Variants in PCDHGA8 observed in about 807,000 individuals in gnomAD.
PCDHGA8 encodes the protein protocadherin gamma-A8.
A neutral mutation model predicts 59.2 loss-of-function variants in PCDHGA8; 45 were observed. The observed-to-expected ratio is 0.76, with a 90% CI of 0.60 to 0.98. The LOEUF (loss-of-function observed/expected upper bound fraction) is 0.98, where lower values mean the gene tolerates loss of function less well. Among genes scored for constraint, PCDHGA8 ranks in the 50% least tolerant of loss-of-function variants. The pLI is 0.00. For synonymous variants in PCDHGA8, 531 were observed against 519.0 expected, an observed-to-expected ratio of 1.02 and a Z score of -0.32; for missense variants, 1,257 against 1,196.2, an observed-to-expected ratio of 1.05 and a Z score of -0.75.
intron 2 of PCDHGA8, among the ~76,000 whole-genome samples, chr5:141,496,123 C>T (rs2099766207): frequency 6.6e-6 from 1 of 152,098 alleles, no homozygotes; most frequent in African/African-American, 2.4e-5. Flanking sequence ...CTTCCCTGCC[C>T]CTCACACACT....
rs537334679 is a variant in PCDHGA8 at position 141,413,479 on chromosome 5, C to G, written c.2424+18242C>G. ...GATAGACCGGGAGGAGCTCTGCGCTCAGAGCGCGCGGTGCGTGGTGAGTTT... is the reference window on the plus strand; with the variant it reads ...GATAGACCGGGAGGAGCTCTGCGCTGAGAGCGCGCGGTGCGTGGTGAGTTT... On this transcript the variant is annotated intron_variant, in intron 1 of 3. Coordinates refer to ENST00000398604, the MANE Select transcript of PCDHGA8 (RefSeq NM_032088.2). 4.3e-6 allele frequency: 7 copies of G among 1,614,084 alleles called. No individual in the cohort carries two copies. In the African/African-American group the frequency reaches 6.7e-5, roughly 15 times the overall value.
chr5:141,413,012 A>G (rs937468289), intron 1 of PCDHGA8: 10 of 657,718 alleles, frequency 1.5e-5, no homozygotes, highest in Middle Eastern at 4.2e-4. Flanking sequence ...GGCTTCAACT[A>G]CACAAGCCCC....
At chr5:141,410,254 C>G in intron 1 of PCDHGA8, 1 of 1,614,020 alleles carries the variant, frequency 6.2e-7, no homozygotes, top group Non-Finnish European at 8.5e-7. Flanking sequence ...TCTCTGACCC[C>G]CAGGCTGAAC....
At chr5:141,445,553 A>G (rs948468877) in intron 1 of PCDHGA8, among the ~76,000 whole-genome samples, 1 of 152,252 alleles carries the variant, frequency 6.6e-6, no homozygotes, top group Non-Finnish European at 1.5e-5. Context: ...ATACAAAAGC[A>G]CTAAGAGAAA....
intron 1 of PCDHGA8, among the ~76,000 whole-genome samples, chr5:141,443,765 A>G (rs577762947): frequency 6.6e-6 from 1 of 152,340 alleles, no homozygotes; most frequent in East Asian, 1.9e-4. Context: ...TACAATATAC[A>G]ATATTACCAA....
At chr5:141,398,149 C>T (rs761559295) in intron 1 of PCDHGA8, 29 of 1,497,086 alleles carry the variant, frequency 1.9e-5, no homozygotes, top group Non-Finnish European at 2.6e-5. Context: ...CGCCGGGGAG[C>T]TGGGCCGGGC....
At chr5:141,429,387 T>TTA (rs775632416) in intron 1 of PCDHGA8, among the ~76,000 whole-genome samples, 40 of 151,448 alleles carry the variant, frequency 2.6e-4, no homozygotes, top group African/African-American at 7.0e-4. Context: ...GTTTTTTTTT[T>TTA]AAAAAAAATT....
chr5:141,433,017 A>T, intron 1 of PCDHGA8: 1 of 1,614,124 alleles, frequency 6.2e-7, no homozygotes, highest in Non-Finnish European at 8.5e-7. Flanking sequence ...CTGCAGACCT[A>T]TTCCCACGAG....
At chr5:141,453,321 T>TG (rs2098762672) in intron 1 of PCDHGA8, among the ~76,000 whole-genome samples, 2 of 151,876 alleles carry the variant, frequency 1.3e-5, no homozygotes, top group Admixed American at 6.6e-5. Context: ...ATTTTAGAGA[T>TG]GGGGTCTCAC....
chr5:141,412,893 A>C (rs1190008207), intron 1 of PCDHGA8: 6 of 340,884 alleles, frequency 1.8e-5, no homozygotes, highest in Non-Finnish European at 2.6e-5. Flanking sequence ...AGAATAGTTT[A>C]CTTTCCATTG....
intron 3 of PCDHGA8, 149 bp downstream of exon 3, chr5:141,505,630 A>G (rs558394591): frequency 4.7e-5 from 69 of 1,480,262 alleles, no homozygotes; most frequent in Admixed American, 2.2e-5. Flanking sequence ...AATTCCAAAC[A>G]TAAAGCCTGG....
chr5:141,485,525 C>A lies in PCDHGA8; in HGVS notation c.2425-9282C>A. On this transcript the variant is annotated intron_variant, in intron 1 of 3. Transcript: ENST00000398604. This position sits in a 1 kb window ranked among gnomAD's most constrained non-coding sequence, Gnocchi z 5.7. ...CACCGAAGGTCCTTTGGAAATGTAC[C>A]GAGCAGAGGTAGAGATCGTAGATGT... The A allele has an allele frequency of 5.6e-6, 9 of 1,614,122 alleles. No individual in the cohort carries two copies. Among genetic ancestry groups the A allele is most frequent in the Non-Finnish European group, 7.6e-6 (9 of 1,180,022 alleles).
intron 1 of PCDHGA8, among the ~76,000 whole-genome samples, chr5:141,483,218 A>G (rs2099578440): frequency 6.6e-6 from 1 of 152,188 alleles, no homozygotes; most frequent in Admixed American, 6.5e-5. Flanking sequence ...GATGACAGTC[A>G]CTGCAGAAAT....
intron 1 of PCDHGA8, chr5:141,427,231 G>A (rs1561827383): frequency 2.2e-6 from 1 of 456,612 alleles, no homozygotes; most frequent in African/African-American, 2.0e-5. Flanking sequence ...TATACCATGA[G>A]AGTAGAAGCT....
chr5:141,430,033 C>T (rs556099456), intron 1 of PCDHGA8, among the ~76,000 whole-genome samples: 1 of 152,066 alleles, frequency 6.6e-6, no homozygotes, highest in Non-Finnish European at 1.5e-5. Context: ...AAGTGTGATT[C>T]TGATAATGTA....
In PCDHGA8 at chr5:141,490,091, A is replaced by T; in HGVS notation, c.2425-4716A>T. 6.2e-7 allele frequency: 1 copy of T among 1,614,240 alleles called. No homozygotes were observed. Among genetic ancestry groups the T allele is most frequent in the East Asian group, 2.2e-5 (1 of 44,888 alleles). ...CAACTAGACTATTCTTTTGGAGACC[A>T]CACATCTGAGGCAGTGCGGAACCTC... On this transcript the variant is annotated intron_variant, in intron 1 of 3. Coordinates refer to ENST00000398604, the MANE Select transcript of PCDHGA8 (RefSeq NM_032088.2). The surrounding 1 kb of genome is among the most constrained non-coding windows in gnomAD (Gnocchi z 5.4).
intron 1 of PCDHGA8, among the ~76,000 whole-genome samples, chr5:141,457,854 C>A (rs2098930903): frequency 6.6e-6 from 1 of 152,234 alleles, no homozygotes; most frequent in African/African-American, 2.4e-5. Flanking sequence ...AAGTGACATT[C>A]TTCACTGACC....
At chr5:141,413,767 C>A in intron 1 of PCDHGA8, 1 of 1,612,972 alleles carries the variant, frequency 6.2e-7, no homozygotes, top group South Asian at 1.1e-5. Flanking sequence ...GTACCCGGAG[C>A]TGGTACTGGA....
At chr5:141,469,671 A>T (rs1285283342) in intron 1 of PCDHGA8, among the ~76,000 whole-genome samples, 3 of 152,236 alleles carry the variant, frequency 2.0e-5, no homozygotes, top group Admixed American at 1.3e-4. Flanking sequence ...TTCTAATAAA[A>T]CTACATATGC....
Sources: gnomAD v4.1 joint callset for allele counts (sites outside exome capture counted in the v4.1 genomes callset) on GRCh38, gnomAD v4.1.1 for gene constraint, Gnocchi (gnomAD v3.1) non-coding constraint, MANE v1.5 for transcripts, NCBI Gene and HGNC (gene_info 2026-07-23, HGNC 2026-07-21) for gene names.